HAPLN2: variants seen among roughly 807,000 people sequenced by gnomAD.
HAPLN2 encodes the protein brain link protein-1.
A neutral mutation model predicts 29.3 loss-of-function variants in HAPLN2; 27 were observed. The observed-to-expected ratio is 0.92, with a 90% CI of 0.68 to 1.27. The LOEUF (loss-of-function observed/expected upper bound fraction) is 1.27. Ranked by LOEUF, HAPLN2 falls within the 50% of genes most tolerant of loss-of-function variation. The pLI, the probability that HAPLN2 is intolerant of heterozygous loss-of-function variation, is 0.00. For missense variants in HAPLN2, 454 were observed against 484.3 expected (o/e 0.94, Z 0.59); for synonymous variants, 208 against 211.7 (o/e 0.98, Z 0.15).
chr1:156,623,911 C>T lies in HAPLN2; in HGVS notation c.190C>T (p.Pro64Ser), dbSNP rs1678343635. 1 of 1,602,760 alleles carries T rather than the reference C, an allele frequency of 6.2e-7. No homozygotes were observed. The highest frequency in any genetic ancestry group is 1.3e-5 in the African/African-American group (1 of 74,804). ...TLPCVLGTTP[P>S]SYKVRWSKVE... ...GCCCTGCGTCCTGGGCACCACGCCTCCCAGCTACAAGGTGCGCTGGAGCAA... is the reference window on the plus strand; with the variant it reads ...GCCCTGCGTCCTGGGCACCACGCCTTCCAGCTACAAGGTGCGCTGGAGCAA... Residue 64 changes from proline (P) to serine (S), a missense_variant, in exon 4 of 7, where the codon CCC becomes TCC. Physicochemically the swap from Pro to Ser is moderately conservative, Grantham distance 74. This residue lies in a region of HAPLN2 where 204 missense variants were observed against 209.2 expected (regional missense o/e 0.98). Coordinates refer to ENST00000255039, the MANE Select transcript of HAPLN2 (RefSeq NM_021817.3).
chr1:156,612,597 C>A, the HAPLN2 span, among the ~76,000 whole-genome samples: 1 of 152,178 alleles, frequency 6.6e-6, no homozygotes, highest in African/African-American at 2.4e-5. Context: ...GGAGGAAGCA[C>A]AAATGGGTGA....
chr1:156,620,768 C>T (rs1405184462), intron 2 of HAPLN2, among the ~76,000 whole-genome samples: 2 of 152,210 alleles, frequency 1.3e-5, no homozygotes, highest in Non-Finnish European at 2.9e-5. Context: ...CCCATGAATC[C>T]TTAATGTAAG....
the HAPLN2 span, among the ~76,000 whole-genome samples, chr1:156,609,673 C>T: frequency 6.6e-6 from 1 of 152,008 alleles, no homozygotes; most frequent in African/African-American, 2.4e-5. Context: ...CTTTAGCAAC[C>T]TAAATGTCCA....
chr1:156,624,293 C>T (rs1678364317), intron 4 of HAPLN2, 58 bp from the exon 5 acceptor site: 1 of 1,527,032 alleles, frequency 6.5e-7, no homozygotes, highest in Non-Finnish European at 8.9e-7. Context: ...CCGCGCCGCC[C>T]TTCCTCCCCC....
intron 1 of HAPLN2, 93 bp from the exon 2 acceptor site, chr1:156,619,925 G>A: frequency 6.5e-6 from 1 of 152,752 alleles, no homozygotes; most frequent in Non-Finnish European, 1.5e-5. Context: ...GACTGATGGG[G>A]GTGGGGGTCG....
Position 156,625,363 on chromosome 1 carries a change from C to T in HAPLN2, c.1002C>T (p.Thr334=), listed in dbSNP as rs976700499. 1 of 1,599,942 alleles carries T rather than the reference C, an allele frequency of 6.3e-7. No individual in the cohort carries two copies. The highest frequency in any genetic ancestry group is 8.5e-7 in the Non-Finnish European group (1 of 1,173,654). Reference sequence around the variant, plus strand: ...GGCCCCAACAGGCAGCCTATGGGACCTACTGCTACGCCGAGAATTAGGCGC... The same window carrying T: ...GGCCCCAACAGGCAGCCTATGGGACTTACTGCTACGCCGAGAATTAGGCGC... ...FPRPQQAAYG[T]YCYAEN Residue 334 remains threonine (T), a synonymous_variant, in exon 7 of 7, where the codon ACC becomes ACT. Transcript: ENST00000255039. The surrounding 1 kb of genome is among the most constrained non-coding windows in gnomAD (Gnocchi z 5.7).
chr1:156,608,628 C>T, the HAPLN2 span, among the ~76,000 whole-genome samples: 1 of 151,938 alleles, frequency 6.6e-6, no homozygotes, highest in South Asian at 2.1e-4. Context: ...CTGCAACCTC[C>T]GCTACCCAGG....
Position 156,623,525 on chromosome 1 carries a change from G to A in HAPLN2, c.35G>A (p.Arg12His), listed in dbSNP as rs766935922. ...PGWLTLPTLCRFLLWAFTIFH... is the reference protein window; with the variant it reads ...PGWLTLPTLCHFLLWAFTIFH... ...TGGCTCACCCTCCCCACACTCTGCC[G>A]CTTCCTTCTTTGGGCCTTCACCATC... The change falls in exon 3 of 7, where the codon CGC becomes CAC. Residue 12 changes from arginine to histidine, a missense_variant. Physicochemically the swap from Arg to His is conservative, Grantham distance 29. This residue lies in a region of HAPLN2 where 204 missense variants were observed against 209.2 expected (regional missense o/e 0.98). Transcript: ENST00000255039. The A allele has an allele frequency of 5.0e-6, 8 of 1,613,970 alleles. No homozygotes were observed. The African/African-American group carries it at 5.3e-5, about 11-fold the overall frequency.
chr1:156,601,525 G>A, the HAPLN2 span: 2 of 1,483,040 alleles, frequency 1.3e-6, no homozygotes, highest in South Asian at 1.2e-5. Context: ...AGACGTCCGC[G>A]GGAACCAAAA....
chr1:156,618,041 A>C (rs1328647825), upstream of HAPLN2, among the ~76,000 whole-genome samples: 1 of 152,160 alleles, frequency 6.6e-6, no homozygotes, highest in Non-Finnish European at 1.5e-5. Flanking sequence ...TCACGCCTGT[A>C]ATCCCAGCAT....
At chr1:156,618,687 A>G (rs9662373), upstream of HAPLN2, among the ~76,000 whole-genome samples, 33,455 of 150,282 alleles carry the variant, frequency 0.22, 4,104 homozygotes, top group South Asian at 0.49. Context: ...GCTGAGGCAG[A>G]AGAATGGCAT....
In HAPLN2 at chr1:156,624,153, C is replaced by T; in HGVS notation, c.432C>T (p.Ser144=). ...ACGAGAGCGTGGCGCTGACCTTGAG[C>T]TTGGAGGGTGAGGCCCTTCCGCTCC... ...IEDESVALTL[S]LEGVVFPYQP... The change falls in exon 4 of 7, where the codon AGC becomes AGT. Residue 144 remains serine (S), a synonymous_variant. Coordinates refer to ENST00000255039, the MANE Select transcript of HAPLN2 (RefSeq NM_021817.3). 6.2e-7 allele frequency: 1 copy of T among 1,612,810 alleles called. No homozygotes were observed. Among genetic ancestry groups the T allele is most frequent in the South Asian group, 1.1e-5 (1 of 90,954 alleles).
At chr1:156,623,608 A>C in intron 3 of HAPLN2, 33 bp downstream of exon 3, 1 of 1,612,622 alleles carries the variant, frequency 6.2e-7, no homozygotes, top group Non-Finnish European at 8.5e-7. Context: ...AATCTGGGGG[A>C]GGCTTGGGGA....
At position 156,625,207 on chromosome 1, in the gene HAPLN2, G is replaced by A. The variant is rs1163770579; in HGVS notation, c.846G>A (p.Trp282Ter). Reference protein sequence around the residue: ...VAKVGHLYAAWKFSGLDQCDG... With the variant: ...VAKVGHLYAA ...AGGTTGGGCACCTCTACGCCGCCTG[G>A]AAGTTTTCGGGGCTAGACCAGTGCG... is the stretch of plus-strand genomic sequence containing the variant. The change falls in exon 7 of 7, where the codon TGG becomes TGA. Residue 282 changes from tryptophan (W) to a stop codon, truncating the protein, a stop_gained. Transcript: ENST00000255039. LOFTEE classifies it low-confidence loss of function (END_TRUNC). This position sits in a 1 kb window ranked among gnomAD's most constrained non-coding sequence, Gnocchi z 5.7. 1.3e-6 allele frequency: 2 copies of A among 1,560,568 alleles called. No individual in the cohort carries two copies. Among genetic ancestry groups the A allele is most frequent in the Admixed American group, 1.9e-5 (1 of 52,638 alleles).
At chr1:156,618,156 G>A (rs1362893494), upstream of HAPLN2, among the ~76,000 whole-genome samples, 1 of 151,796 alleles carries the variant, frequency 6.6e-6, no homozygotes, top group African/African-American at 2.4e-5. Flanking sequence ...AAATTATCTT[G>A]GCGTGGTGGC....
At chr1:156,601,956 C>T in the HAPLN2 span, among the ~76,000 whole-genome samples, 1 of 150,664 alleles carries the variant, frequency 6.6e-6, no homozygotes, top group Admixed American at 6.6e-5. Context: ...TTTTCTGAGA[C>T]AGGGTCTCGC....
rs921482034 is a variant in HAPLN2 at position 156,624,718 on chromosome 1, G to T, written c.674G>T (p.Ser225Ile). Reference protein sequence around the residue: ...CGGRGRPGIRSYGPRDRMRDR... With the variant: ...CGGRGRPGIRIYGPRDRMRDR... The stretch of plus-strand genomic sequence containing the variant: ...GGCCGAGGCCGGCCCGGGATCCGCA[G>T]CTACGGACCCCGCGACCGGATGCGC... The change falls in exon 6 of 7, where the codon AGC (serine) becomes ATC (isoleucine). Residue 225 changes from serine (S) to isoleucine (I), a missense_variant. Coordinates refer to ENST00000255039, the MANE Select transcript of HAPLN2 (RefSeq NM_021817.3). The T allele has an allele frequency of 5.1e-6, 8 of 1,582,386 alleles. No individual in the cohort carries two copies. The highest frequency in any genetic ancestry group is 6.0e-6 in the Non-Finnish European group (7 of 1,169,388).
chr1:156,617,600 C>T (rs369344643), upstream of HAPLN2, among the ~76,000 whole-genome samples: 18 of 150,776 alleles, frequency 1.2e-4, no homozygotes, highest in African/African-American at 4.1e-4. Flanking sequence ...CCGCCCACTT[C>T]GGCCTCCCAA....
At chr1:156,606,423 T>TAA in the HAPLN2 span, among the ~76,000 whole-genome samples, 182 of 49,318 alleles carry the variant, frequency 3.7e-3, 1 homozygote, top group Middle Eastern at 0.011. Flanking sequence ...AGACTCTGTC[T>TAA]AAAAAAAAAA....
Sources: gnomAD v4.1 joint callset for allele counts (sites outside exome capture counted in the v4.1 genomes callset) on GRCh38, gnomAD v4.1.1 for gene constraint, gnomAD v4.1.1 regional missense constraint, Gnocchi (gnomAD v3.1) non-coding constraint, MANE v1.5 for transcripts, NCBI Gene and HGNC (gene_info 2026-07-23, HGNC 2026-07-21) for gene names.